Variants in PAPPA2 observed in about 807,000 individuals in gnomAD.
The protein encoded by PAPPA2 is pappalysin 2.
Under a neutral mutation model 176.4 loss-of-function variants are expected in PAPPA2, and 86 were observed. The ratio of observed to expected loss-of-function variants is 0.49; its 90% CI spans 0.41 to 0.58. The LOEUF is 0.58. PAPPA2 is among the 20% of genes least tolerant of loss of function. PAPPA2 has a pLI of 0.00. For missense variants in PAPPA2, 2,073 were observed against 2,256.9 expected, an observed-to-expected ratio of 0.92 and a Z score of 1.65; for synonymous variants, 809 against 852.2, an observed-to-expected ratio of 0.95 and a Z score of 0.88.
At chr1:176,671,967 C>T (rs963354736) in intron 4 of PAPPA2, among the ~76,000 whole-genome samples, 3 of 149,778 alleles carry the variant, frequency 2.0e-5, no homozygotes, top group African/African-American at 4.9e-5. Context: ...CGCTAAATGA[C>T]GAGTTAATGG....
chr1:176,660,461 C>T (rs183205780), intron 3 of PAPPA2, among the ~76,000 whole-genome samples: 12 of 152,066 alleles, frequency 7.9e-5, no homozygotes, highest in African/African-American at 2.7e-4. Context: ...TCATGTCGTT[C>T]GCAAATTTGA....
At position 176,692,162 on chromosome 1, in the gene PAPPA2, T is replaced by A. The variant is rs76466582; in HGVS notation, c.2468T>A (p.Val823Glu). The change falls in exon 6 of 23, where the codon GTG (valine) becomes GAG (glutamate). Residue 823 changes from valine to glutamate, a missense_variant. Physicochemically the swap from Val to Glu is moderately radical, Grantham distance 121. This residue lies in a region of PAPPA2 where 1,196 missense variants were observed against 1,330.4 expected (regional missense o/e 0.90). Transcript: ENST00000367662. ...NCTDNFTPNQVARMHCYLDLV... is the reference protein window; with the variant it reads ...NCTDNFTPNQEARMHCYLDLV... ...ACTGACAACTTCACTCCTAACCAAG[T>A]GGCCCGAATGCATTGCTATTTGGAC... The A allele has an allele frequency of 6.2e-7, 1 of 1,614,054 alleles. No homozygotes were observed. Among genetic ancestry groups the A allele is most frequent in the African/African-American group, 1.3e-5 (1 of 75,046 alleles).
chr1:176,544,697 C>T (rs1437106196), intron 1 of PAPPA2, among the ~76,000 whole-genome samples: 3 of 152,112 alleles, frequency 2.0e-5, no homozygotes, highest in Non-Finnish European at 2.9e-5. Flanking sequence ...GGCTCAGTCC[C>T]ACAAGATTGC....
chr1:176,700,103 A>G (rs1425173455), intron 8 of PAPPA2, among the ~76,000 whole-genome samples: 1 of 152,078 alleles, frequency 6.6e-6, no homozygotes, highest in Non-Finnish European at 1.5e-5. Flanking sequence ...TCACACCCCA[A>G]TAACCAACTC....
chr1:176,518,816 A>G (rs1649062373), intron 1 of PAPPA2, among the ~76,000 whole-genome samples: 1 of 152,162 alleles, frequency 6.6e-6, no homozygotes, highest in African/African-American at 2.4e-5. Flanking sequence ...CTTAGGCTCA[A>G]TAGGAATTCA....
intron 5 of PAPPA2, chr1:176,691,043 C>G (rs1374240298): frequency 1.0e-6 from 1 of 985,270 alleles, no homozygotes. Context: ...TCCTGGCCCT[C>G]GGAAAAACTT....
chr1:176,480,595 C>G (rs1652347740), intron 1 of PAPPA2, among the ~76,000 whole-genome samples: 1 of 152,148 alleles, frequency 6.6e-6, no homozygotes, highest in African/African-American at 2.4e-5. Context: ...ATCATGAGCA[C>G]CGGGAGCTGT....
intron 11 of PAPPA2, 122 bp downstream of exon 11, chr1:176,710,298 A>G: frequency 1.2e-6 from 1 of 860,122 alleles, no homozygotes; most frequent in Non-Finnish European, 1.8e-6. Flanking sequence ...TAGAAGCCCT[A>G]GGGAACATTA....
At chr1:176,666,602 T>TGA (rs1449262882) in intron 3 of PAPPA2, among the ~76,000 whole-genome samples, 99 of 119,668 alleles carry the variant, frequency 8.3e-4, no homozygotes, top group African/African-American at 2.4e-3. Flanking sequence ...TGTGTGTGTG[T>TGA]GTGTGTGAGA....
intron 3 of PAPPA2, among the ~76,000 whole-genome samples, chr1:176,645,665 C>T (rs1005499041): frequency 1.3e-5 from 2 of 151,674 alleles, no homozygotes; most frequent in Non-Finnish European, 2.9e-5. Context: ...GAAGGACATT[C>T]GTATAGTTTT....
chr1:176,590,417 T>C (rs2102643514), intron 2 of PAPPA2, among the ~76,000 whole-genome samples: 1 of 152,312 alleles, frequency 6.6e-6, no homozygotes, highest in South Asian at 2.1e-4. Flanking sequence ...ACTTGGATTT[T>C]TTTTTTATCT....
intron 3 of PAPPA2, among the ~76,000 whole-genome samples, chr1:176,654,143 GA>G (rs1657898289): frequency 6.6e-6 from 1 of 151,686 alleles, no homozygotes; most frequent in African/African-American, 2.4e-5. Context: ...TCAACATCCA[GA>G]AGAGTTTTCC....
intron 14 of PAPPA2, among the ~76,000 whole-genome samples, chr1:176,762,813 C>A (rs1185751643): frequency 6.6e-6 from 1 of 152,170 alleles, no homozygotes; most frequent in East Asian, 1.9e-4. Flanking sequence ...TCATTAACAA[C>A]CCCCACCTTA....
intron 1 of PAPPA2, among the ~76,000 whole-genome samples, chr1:176,468,238 A>G (rs1001132390): frequency 6.6e-6 from 1 of 152,130 alleles, no homozygotes; most frequent in Admixed American, 6.6e-5. Context: ...TCCTCCCTCA[A>G]AATCCTTTTC....
intron 1 of PAPPA2, among the ~76,000 whole-genome samples, chr1:176,533,401 T>C (rs1347737631): frequency 6.6e-6 from 1 of 152,258 alleles, no homozygotes; most frequent in African/African-American, 2.4e-5. Context: ...TAAGCCATTT[T>C]ATTGAAGCTG....
At chr1:176,610,590 GT>G (rs2102676883) in intron 3 of PAPPA2, among the ~76,000 whole-genome samples, 1 of 152,246 alleles carries the variant, frequency 6.6e-6, no homozygotes, top group East Asian at 1.9e-4. Flanking sequence ...CCTAGACACA[GT>G]CCTGGTCAGT....
At chr1:176,796,050 C>T (rs1057436316) in intron 20 of PAPPA2, among the ~76,000 whole-genome samples, 1 of 152,232 alleles carries the variant, frequency 6.6e-6, no homozygotes, top group African/African-American at 2.4e-5. Context: ...TCACTCTTCC[C>T]TCTGGCTCTT....
intron 12 of PAPPA2, among the ~76,000 whole-genome samples, chr1:176,717,336 C>T (rs1308557643): frequency 1.3e-5 from 2 of 152,156 alleles, no homozygotes; most frequent in African/African-American, 4.8e-5. Flanking sequence ...AGCACCATGG[C>T]AGTTTATAAA....
chr1:176,752,925 T>C (rs985159172), intron 14 of PAPPA2, among the ~76,000 whole-genome samples: 1 of 152,240 alleles, frequency 6.6e-6, no homozygotes, highest in Non-Finnish European at 1.5e-5. Context: ...GAAAATGTAA[T>C]CTGAATCATT....
Sources: gnomAD v4.1 joint callset for allele counts (sites outside exome capture counted in the v4.1 genomes callset) on GRCh38, gnomAD v4.1.1 for gene constraint, gnomAD v4.1.1 regional missense constraint, MANE v1.5 for transcripts, NCBI Gene and HGNC (gene_info 2026-07-23, HGNC 2026-07-21) for gene names.